COX7B2: variants seen among roughly 807,000 people sequenced by gnomAD.
The protein encoded by COX7B2 is cytochrome c oxidase subunit 7B2, also known as cytochrome c oxidase subunit 7B2, mitochondrial.
For missense variants in COX7B2, 109 were observed against 95.9 expected (o/e 1.14, Z -0.57); for synonymous variants, 37 against 32.1 (o/e 1.15, Z -0.51).
intron 2 of COX7B2, among the ~76,000 whole-genome samples, chr4:46,808,327 G>T (rs960099360): frequency 1.3e-5 from 2 of 151,300 alleles, no homozygotes; most frequent in East Asian, 1.9e-4. Context: ...AGTTAGGCTG[G>T]GTTTTCAGTT....
chr4:46,897,349 C>CA (rs1267488105), intron 1 of COX7B2, among the ~76,000 whole-genome samples: 3 of 151,976 alleles, frequency 2.0e-5, no homozygotes, highest in Admixed American at 6.5e-5. Flanking sequence ...ATATCCACAT[C>CA]AAAAAAATCA....
At chr4:46,901,248 C>G (rs937208945) in intron 1 of COX7B2, among the ~76,000 whole-genome samples, 3 of 152,172 alleles carry the variant, frequency 2.0e-5, no homozygotes, top group Non-Finnish European at 4.4e-5. Flanking sequence ...TGGACTGCTA[C>G]TAGAGCAGGT....
chr4:46,756,757 G>A (rs1157207343), intron 2 of COX7B2, among the ~76,000 whole-genome samples: 3 of 151,966 alleles, frequency 2.0e-5, no homozygotes, highest in Non-Finnish European at 4.4e-5. Context: ...CTATCGTATA[G>A]CAGTCAGAAT....
Position 46,757,087 on chromosome 4 carries a change from T to A in COX7B2, c.-49-21846A>T, listed in dbSNP as rs970479675. Among the ~76,000 whole-genome samples the A allele has an allele frequency of 3.3e-5, 5 of 152,064 alleles. 1 individual carries two copies. Among genetic ancestry groups the A allele is most frequent in the Admixed American group, 2.0e-4 (3 of 15,226 alleles). The stretch of plus-strand genomic sequence containing the variant: ...GGATTAAAAAGTGCTATCTATATCA[T>A]GTGTGATATCAATCTATCTATCTAT... On this transcript the variant is annotated intron_variant, in intron 2 of 2. Coordinates refer to ENST00000355591, the MANE Select transcript of COX7B2 (RefSeq NM_130902.3).
rs192498346 is a variant in COX7B2 at position 46,744,676 on chromosome 4, T to A, written c.-49-9435A>T. Among the ~76,000 whole-genome samples, 42 of 152,130 alleles carry A rather than the reference T, an allele frequency of 2.8e-4. No individual in the cohort carries two copies. In the East Asian group the frequency reaches 7.7e-3, roughly 28 times the overall value. On this transcript the variant is annotated intron_variant, in intron 2 of 2. Transcript: ENST00000355591. ...CTGCCTTCAATCTATCACTGATATATTTAGGTAAAAGTATACAGGAAACAT... is the reference window on the plus strand; with the variant it reads ...CTGCCTTCAATCTATCACTGATATAATTAGGTAAAAGTATACAGGAAACAT...
intron 2 of COX7B2, among the ~76,000 whole-genome samples, chr4:46,737,084 T>A (rs1714413934): frequency 6.6e-6 from 1 of 152,182 alleles, no homozygotes; most frequent in African/African-American, 2.4e-5. Context: ...GAATGAGAGT[T>A]TCTTTTGTTC....
intron 2 of COX7B2, among the ~76,000 whole-genome samples, chr4:46,843,315 T>C (rs1185666878): frequency 6.6e-6 from 1 of 152,038 alleles, no homozygotes; most frequent in Admixed American, 6.6e-5. Flanking sequence ...TACCCATATC[T>C]GGCATATAAT....
intron 1 of COX7B2, among the ~76,000 whole-genome samples, chr4:46,888,738 G>A (rs942365944): frequency 4.6e-5 from 7 of 152,030 alleles, no homozygotes; most frequent in East Asian, 3.9e-4. Flanking sequence ...GAGCCACCGC[G>A]CCCAGCCTAT....
At chr4:46,787,448 A>G (rs928668577) in intron 2 of COX7B2, among the ~76,000 whole-genome samples, 2 of 152,072 alleles carry the variant, frequency 1.3e-5, no homozygotes, top group African/African-American at 4.8e-5. Flanking sequence ...ACTCTGTCTC[A>G]AATAAAAAAA....
At position 46,734,964 on chromosome 4, in the gene COX7B2, CT is replaced by C. The variant is rs775138297; in HGVS notation, c.228del (p.Glu77SerfsTer17). ...NLSPVGRVTP[K>X]EWKHQ Reference sequence around the variant, plus strand: ...TGTGATGGTTACTGATGTTTCCACTCTTTTGGGGTAACTCTGCCAACAGGGG... The same window carrying C: ...TGTGATGGTTACTGATGTTTCCACTCTTTGGGGTAACTCTGCCAACAGGGG... On this transcript the variant is annotated frameshift_variant, in exon 3 of 3. Coordinates refer to ENST00000355591, the MANE Select transcript of COX7B2 (RefSeq NM_130902.3). LOFTEE classifies it high-confidence loss of function. The C allele has an allele frequency of 6.2e-7, 1 of 1,613,990 alleles. No individual in the cohort carries two copies.
At chr4:46,861,324 T>C (rs1317738496) in intron 1 of COX7B2, among the ~76,000 whole-genome samples, 2 of 152,186 alleles carry the variant, frequency 1.3e-5, no homozygotes, top group Non-Finnish European at 2.9e-5. Flanking sequence ...TTGCAGGAAT[T>C]GGCAGCAACT....
intron 2 of COX7B2, among the ~76,000 whole-genome samples, chr4:46,830,027 C>T (rs1714959220): frequency 6.6e-6 from 1 of 151,988 alleles, no homozygotes; most frequent in Non-Finnish European, 1.5e-5. Flanking sequence ...AGAATAGATA[C>T]TATAAAAATG....
At chr4:46,843,647 G>A (rs34960179) in intron 2 of COX7B2, among the ~76,000 whole-genome samples, 79 of 152,050 alleles carry the variant, frequency 5.2e-4, no homozygotes, top group Non-Finnish European at 1.0e-3. Context: ...AAAAGCAAAA[G>A]CAGTCTACTG....
chr4:46,902,925 ATAAC>A (rs1284427918), intron 1 of COX7B2, among the ~76,000 whole-genome samples: 2 of 152,138 alleles, frequency 1.3e-5, no homozygotes, highest in Non-Finnish European at 2.9e-5. Context: ...TAGTCATTCT[ATAAC>A]TAAGGCTGAA....
rs188733165 is a variant in COX7B2, at chr4:46,888,588, C to T, written c.-105+20572G>A. Among the ~76,000 whole-genome samples, 815 of 151,878 alleles carry T rather than the reference C, an allele frequency of 5.4e-3. 4 individuals are homozygous for T. Among genetic ancestry groups the T allele is most frequent in the Non-Finnish European group, 9.6e-3 (652 of 67,928 alleles). ...CCTCCTGAGTAGCTGGGACTACAGG[C>T]GCCCACCACCATGCCTGGCTAATTT... On this transcript the variant is annotated intron_variant, in intron 1 of 2. Coordinates refer to ENST00000355591, the MANE Select transcript of COX7B2 (RefSeq NM_130902.3).
intron 1 of COX7B2, among the ~76,000 whole-genome samples, chr4:46,891,488 T>A (rs1719427711): frequency 6.6e-6 from 1 of 152,188 alleles, no homozygotes; most frequent in Non-Finnish European, 1.5e-5. Flanking sequence ...AAGAGAACGA[T>A]GTCCCAAAAG....
chr4:46,740,756 C>T (rs141706522), intron 2 of COX7B2, among the ~76,000 whole-genome samples: 1,718 of 152,060 alleles, frequency 0.011, 20 homozygotes, highest in Middle Eastern at 0.038. Context: ...AAGATAGAAT[C>T]GAGAAATATA....
intron 2 of COX7B2, among the ~76,000 whole-genome samples, chr4:46,738,926 G>A (rs1051692167): frequency 2.6e-5 from 4 of 152,050 alleles, no homozygotes; most frequent in Non-Finnish European, 5.9e-5. Context: ...AAGACTGATT[G>A]TGTCATCTAT....
At chr4:46,744,065 T>C (rs1322721561) in intron 2 of COX7B2, among the ~76,000 whole-genome samples, 2 of 152,194 alleles carry the variant, frequency 1.3e-5, no homozygotes, top group Non-Finnish European at 2.9e-5. Flanking sequence ...TGTGCAGATG[T>C]TTCTCTGGTT....
Sources: gnomAD v4.1 joint callset for allele counts (sites outside exome capture counted in the v4.1 genomes callset) on GRCh38, gnomAD v4.1.1 for gene constraint, MANE v1.5 for transcripts, NCBI Gene and HGNC (gene_info 2026-07-23, HGNC 2026-07-21) for gene names.